ETV6: variants seen among roughly 807,000 people sequenced by gnomAD.
The protein encoded by ETV6 is ETS variant transcription factor 6.
In ETV6, 16 loss-of-function variants were observed where a neutral mutation model predicts 51.1. That is an observed-to-expected ratio of 0.31 (90% CI 0.21 to 0.48). ETV6 has a LOEUF of 0.48. Ranked by LOEUF, ETV6 falls within the 20% of genes least tolerant of loss-of-function variation. The pLI, the probability that ETV6 is intolerant of heterozygous loss-of-function variation, is 0.99. For synonymous variants in ETV6, 240 were observed against 224.1 expected (o/e 1.07, Z -0.64); for missense variants, 458 against 594.8 (o/e 0.77, Z 2.39).
chr12:11,738,222 T>TTCCCTCCCTCCCTCCTTCCC (rs1555121463), intron 1 of ETV6, among the ~76,000 whole-genome samples: 8 of 138,630 alleles, frequency 5.8e-5, no homozygotes, highest in African/African-American at 1.8e-4. Flanking sequence ...CCTTCCTTCC[T>TTCCCTCCCTCCCTCCTTCCC]TCCCTCCCTC....
intron 1 of ETV6, among the ~76,000 whole-genome samples, chr12:11,674,930 A>C (rs543202034): frequency 6.6e-6 from 1 of 152,264 alleles, no homozygotes; most frequent in East Asian, 1.9e-4. Context: ...TGCCCTCCTA[A>C]TGTTGGAGGA....
At chr12:11,880,101 A>G (rs1461443537) in intron 5 of ETV6, among the ~76,000 whole-genome samples, 6 of 151,982 alleles carry the variant, frequency 3.9e-5, no homozygotes, top group African/African-American at 1.4e-4. Flanking sequence ...TCATCTAGGC[A>G]TAATTTTTAC....
At chr12:11,737,791 G>A (rs914709251) in intron 1 of ETV6, among the ~76,000 whole-genome samples, 3 of 152,176 alleles carry the variant, frequency 2.0e-5, no homozygotes, top group African/African-American at 4.8e-5. Context: ...GATTTTCTCA[G>A]GGCCTCATCA....
chr12:11,770,125 T>C (rs1945221982), intron 2 of ETV6, among the ~76,000 whole-genome samples: 2 of 152,148 alleles, frequency 1.3e-5, no homozygotes, highest in African/African-American at 4.8e-5. Flanking sequence ...GCCGTTGCTC[T>C]TCAGACACAG....
intron 1 of ETV6, among the ~76,000 whole-genome samples, chr12:11,742,805 CT>C (rs751007395): frequency 0.019 from 1,506 of 78,632 alleles, 6 homozygotes; most frequent in Middle Eastern, 0.049. Context: ...TTCTTTCTTT[CT>C]TTTTTTTTTT....
At chr12:11,774,774 A>C (rs746484591) in intron 2 of ETV6, among the ~76,000 whole-genome samples, 1 of 152,194 alleles carries the variant, frequency 6.6e-6, no homozygotes, top group Non-Finnish European at 1.5e-5. Flanking sequence ...GGACCACATC[A>C]AAACTGCTCC....
intron 1 of ETV6, among the ~76,000 whole-genome samples, chr12:11,710,158 G>A (rs1188565778): frequency 6.6e-6 from 1 of 152,068 alleles, no homozygotes; most frequent in African/African-American, 2.4e-5. Flanking sequence ...TAAAAGCAAG[G>A]CCAGCTTTTT....
chr12:11,822,352 A>G (rs976588541), intron 2 of ETV6, among the ~76,000 whole-genome samples: 4 of 152,240 alleles, frequency 2.6e-5, no homozygotes, highest in African/African-American at 9.6e-5. Context: ...AGCAGATGTC[A>G]GGAAGTTTTT....
intron 4 of ETV6, among the ~76,000 whole-genome samples, chr12:11,858,593 T>C (rs907872125): frequency 2.0e-5 from 3 of 152,192 alleles, no homozygotes; most frequent in African/African-American, 7.2e-5. Flanking sequence ...TCCGGATTTC[T>C]CAAACGTTCT....
chr12:11,671,622 A>G (rs1199860359), intron 1 of ETV6, among the ~76,000 whole-genome samples: 1 of 152,218 alleles, frequency 6.6e-6, no homozygotes, highest in Non-Finnish European at 1.5e-5. Context: ...CAATAAAAAT[A>G]AATAAATTCA....
At chr12:11,664,410 G>C (rs891422657) in intron 1 of ETV6, among the ~76,000 whole-genome samples, 1 of 152,202 alleles carries the variant, frequency 6.6e-6, no homozygotes, top group South Asian at 2.1e-4. Flanking sequence ...GGAGATGGCA[G>C]CTTTTCTTGG....
At chr12:11,717,138 A>G (rs1591628908) in intron 1 of ETV6, among the ~76,000 whole-genome samples, 1 of 152,296 alleles carries the variant, frequency 6.6e-6, no homozygotes, top group Non-Finnish European at 1.5e-5. Flanking sequence ...TGCATCGTAT[A>G]TGTTAATGTT....
intron 1 of ETV6, among the ~76,000 whole-genome samples, chr12:11,742,511 A>G (rs910023361): frequency 1.3e-5 from 2 of 152,214 alleles, no homozygotes; most frequent in African/African-American, 4.8e-5. Context: ...AACACTCCTA[A>G]TCAGTATATA....
intron 2 of ETV6, among the ~76,000 whole-genome samples, chr12:11,837,291 G>A (rs1288464600): frequency 1.3e-5 from 2 of 151,870 alleles, no homozygotes; most frequent in Non-Finnish European, 2.9e-5. Context: ...TTGTTTCCAT[G>A]TGAAAAAAAA....
At chr12:11,832,594 A>G (rs746668267) in intron 2 of ETV6, among the ~76,000 whole-genome samples, 2 of 152,220 alleles carry the variant, frequency 1.3e-5, no homozygotes, top group Non-Finnish European at 2.9e-5. Context: ...TTCAGGACAG[A>G]TTTTCAAACA....
chr12:11,750,517 A>C (rs1031647171), intron 1 of ETV6, among the ~76,000 whole-genome samples: 1 of 152,082 alleles, frequency 6.6e-6, no homozygotes, highest in Non-Finnish European at 1.5e-5. Context: ...TTTTTCTTGC[A>C]CTCATGAAGC....
intron 2 of ETV6, among the ~76,000 whole-genome samples, chr12:11,782,016 T>C (rs1945421517): frequency 6.6e-6 from 1 of 152,252 alleles, no homozygotes; most frequent in African/African-American, 2.4e-5. Context: ...CAAATAAATC[T>C]CTTTGCTGCC....
At chr12:11,729,977 A>G (rs1865562826) in intron 1 of ETV6, among the ~76,000 whole-genome samples, 5 of 152,174 alleles carry the variant, frequency 3.3e-5, no homozygotes, top group African/African-American at 7.2e-5. Flanking sequence ...TAGGTCTGCA[A>G]AATAGAAAGG....
intron 2 of ETV6, among the ~76,000 whole-genome samples, chr12:11,831,146 C>T (rs895344891): frequency 6.6e-6 from 1 of 151,978 alleles, no homozygotes; most frequent in East Asian, 1.9e-4. Flanking sequence ...ACTGATGAGG[C>T]GATATTGGGG....
Sources: gnomAD v4.1 joint callset for allele counts (sites outside exome capture counted in the v4.1 genomes callset) on GRCh38, gnomAD v4.1.1 for gene constraint, MANE v1.5 for transcripts, NCBI Gene and HGNC (gene_info 2026-07-23, HGNC 2026-07-21) for gene names.